The following LRRC1 variants were observed in gnomAD, a reference collection of about 807,000 sequenced individuals.
LRRC1 encodes leucine rich repeat containing 1.
LRRC1 carries 28 observed loss-of-function variants against 69.9 expected under a neutral mutation model. The ratio of observed to expected loss-of-function variants is 0.40; its 90% CI spans 0.30 to 0.55. The LOEUF is 0.55. Ranked by LOEUF, LRRC1 falls within the 20% of genes least tolerant of loss-of-function variation. LRRC1 has a pLI of 0.47. For synonymous variants in LRRC1, 236 were observed against 240.2 expected (o/e 0.98, Z 0.16); for missense variants, 498 against 609.0 (o/e 0.82, Z 1.92).
At position 53,913,853 on chromosome 6, in the gene LRRC1, G is replaced by C. The variant is rs1268724671; in HGVS notation, c.991-1G>C. 3 of 1,567,416 alleles carry C rather than the reference G, an allele frequency of 1.9e-6. No homozygotes were observed. The African/African-American group carries it at 4.0e-5, about 21-fold the overall frequency. Reference sequence around the variant, plus strand: ...AAGATGTATTTTCTTTCTCACCATAGATCGGCGGGTGCTGCAGCCTCACTG... The same window carrying C: ...AAGATGTATTTTCTTTCTCACCATACATCGGCGGGTGCTGCAGCCTCACTG... On this transcript the variant is annotated splice_acceptor_variant, in intron 10 of 13. Coordinates refer to ENST00000370888, the MANE Select transcript of LRRC1 (RefSeq NM_018214.5). LOFTEE classifies it high-confidence loss of function.
chr6:53,821,140 C>G (rs1443755634), intron 1 of LRRC1, among the ~76,000 whole-genome samples: 2 of 152,210 alleles, frequency 1.3e-5, no homozygotes, highest in Non-Finnish European at 2.9e-5. Flanking sequence ...GCAGGGTTCA[C>G]TGTTCAGCTC....
intron 2 of LRRC1, among the ~76,000 whole-genome samples, chr6:53,843,683 C>G (rs146295462): frequency 6.6e-6 from 1 of 152,032 alleles, no homozygotes; most frequent in East Asian, 1.9e-4. Flanking sequence ...GTGGAATTAA[C>G]ATGCACCAAA....
chr6:53,855,433 A>C (rs966868408), intron 2 of LRRC1, among the ~76,000 whole-genome samples: 10 of 152,350 alleles, frequency 6.6e-5, no homozygotes, highest in African/African-American at 2.4e-4. Context: ...CAGGCCCAAC[A>C]CAAAAGGTAG....
At chr6:53,808,466 G>A (rs574217661) in intron 1 of LRRC1, among the ~76,000 whole-genome samples, 2 of 152,180 alleles carry the variant, frequency 1.3e-5, no homozygotes, top group African/African-American at 2.4e-5. Context: ...AATAATGATA[G>A]TCAGCATTTT....
chr6:53,880,369 C>T (rs1175199749), intron 3 of LRRC1, among the ~76,000 whole-genome samples: 1 of 152,126 alleles, frequency 6.6e-6, no homozygotes, highest in Non-Finnish European at 1.5e-5. Context: ...ATTCAACTGT[C>T]TCTTCTCTTA....
chr6:53,827,404 T>C (rs1482404069), intron 1 of LRRC1, among the ~76,000 whole-genome samples: 3 of 152,054 alleles, frequency 2.0e-5, no homozygotes, highest in Admixed American at 2.0e-4. Flanking sequence ...GCGGGTATTC[T>C]GAGGGATGCC....
intron 2 of LRRC1, 95 bp downstream of exon 2, chr6:53,842,322 G>A: frequency 1.3e-6 from 1 of 786,668 alleles, no homozygotes. Context: ...TGCGGTGTTT[G>A]GTTTTTTGTC....
chr6:53,902,147 C>T, intron 8 of LRRC1, among the ~76,000 whole-genome samples: 1 of 152,202 alleles, frequency 6.6e-6, no homozygotes. Context: ...AAATAGACTC[C>T]ATCCTTAATA....
chr6:53,903,476 G>A (rs1768129205), intron 9 of LRRC1, among the ~76,000 whole-genome samples: 1 of 152,096 alleles, frequency 6.6e-6, no homozygotes, highest in African/African-American at 2.4e-5. Context: ...TTGTCATATA[G>A]CACTCTCTTT....
At chr6:53,814,155 T>C (rs1157453743) in intron 1 of LRRC1, among the ~76,000 whole-genome samples, 2 of 152,244 alleles carry the variant, frequency 1.3e-5, no homozygotes, top group Non-Finnish European at 2.9e-5. Flanking sequence ...CTCAATTTAC[T>C]TGGCTAAAGT....
At chr6:53,820,318 T>C (rs1352678355) in intron 1 of LRRC1, among the ~76,000 whole-genome samples, 3 of 151,136 alleles carry the variant, frequency 2.0e-5, no homozygotes, top group Middle Eastern at 6.8e-3. Flanking sequence ...TCCATCCCCA[T>C]ATGCTTTCCT....
intron 10 of LRRC1, among the ~76,000 whole-genome samples, chr6:53,908,137 T>C (rs1324936832): frequency 6.6e-6 from 1 of 152,160 alleles, no homozygotes; most frequent in Admixed American, 6.5e-5. Flanking sequence ...CATGGATAGA[T>C]GGAGTTGGTG....
At chr6:53,846,968 A>C (rs1247227413) in intron 2 of LRRC1, among the ~76,000 whole-genome samples, 1 of 152,210 alleles carries the variant, frequency 6.6e-6, no homozygotes, top group African/African-American at 2.4e-5. Flanking sequence ...TGAATTTTAT[A>C]ATCTATGCTG....
At chr6:53,885,246 A>C (rs1767436045) in intron 4 of LRRC1, among the ~76,000 whole-genome samples, 1 of 152,212 alleles carries the variant, frequency 6.6e-6, no homozygotes, top group South Asian at 2.1e-4. Flanking sequence ...TGTTGAGGAA[A>C]TCTCATATAT....
intron 1 of LRRC1, among the ~76,000 whole-genome samples, chr6:53,839,724 T>C (rs561783680): frequency 1.1e-4 from 17 of 152,320 alleles, no homozygotes; most frequent in Non-Finnish European, 2.4e-4. Flanking sequence ...CCAATATAGA[T>C]ATTATAATGT....
intron 1 of LRRC1, among the ~76,000 whole-genome samples, chr6:53,828,169 CA>C (rs35639473): frequency 0.029 from 3,934 of 135,206 alleles, 153 homozygotes; most frequent in African/African-American, 0.096. Flanking sequence ...GTTCAAAGGC[CA>C]AAAAAAAAAA....
rs551916308 is a variant in LRRC1, at chr6:53,876,062, G to A, written c.278-2931G>A. 2.0e-5 allele frequency among the ~76,000 whole-genome samples: 3 copies of A among 152,214 alleles called. No homozygotes were observed. In the East Asian group the frequency reaches 5.8e-4, roughly 29 times the overall value. ...TCACACTGCTGGTAAAGACATATCC[G>A]AGACTGGGCAATTTAAGACAGAAGG... On this transcript the variant is annotated intron_variant, in intron 2 of 13. Coordinates refer to ENST00000370888, the MANE Select transcript of LRRC1 (RefSeq NM_018214.5).
At chr6:53,874,416 C>CTAT (rs1363992151) in intron 2 of LRRC1, among the ~76,000 whole-genome samples, 1 of 151,500 alleles carries the variant, frequency 6.6e-6, no homozygotes, top group African/African-American at 2.4e-5. Flanking sequence ...CACAAATAAG[C>CTAT]TATTATATTT....
intron 1 of LRRC1, among the ~76,000 whole-genome samples, chr6:53,803,967 A>C (rs9382239): frequency 1.3e-5 from 2 of 151,912 alleles, no homozygotes; most frequent in African/African-American, 4.8e-5. Context: ...CCTGAGTCAA[A>C]TGAGCAGTTG....
Sources: allele counts gnomAD v4.1 joint callset (sites outside exome capture counted in the v4.1 genomes callset), GRCh38; gene constraint gnomAD v4.1.1; transcripts MANE v1.5; gene names NCBI Gene and HGNC (gene_info 2026-07-23, HGNC 2026-07-21).